PAK1: variants seen among roughly 807,000 people sequenced by gnomAD.
PAK1 encodes p21 (RAC1) activated kinase 1, also known as serine/threonine-protein kinase PAK 1.
In PAK1, 29 loss-of-function variants were observed where a neutral mutation model predicts 67.4. The observed-to-expected ratio is 0.43, with a 90% confidence interval of 0.32 to 0.59. The LOEUF is 0.59. Among genes scored for constraint, PAK1 ranks in the 20% least tolerant of loss-of-function variants. The pLI is 0.07. For missense variants in PAK1, 337 were observed against 670.7 expected (o/e 0.50, Z 5.50); for synonymous variants, 223 against 237.4 (o/e 0.94, Z 0.56).
Position 77,381,178 on chromosome 11 carries a change from G to GTGTGTGTGTGTGT in PAK1, c.191-1185_191-1184insACACACACACACA, listed in dbSNP as rs869219760. ...GTGTGTGTGTGTGTGTGTGTGTGTA[G>GTGTGTGTGTGTGT]AGAGAGAGAGAGAAAGAGAGACCAG... On this transcript the variant is annotated intron_variant, in intron 2 of 14. Transcript: ENST00000356341. Among the ~76,000 whole-genome samples the GTGTGTGTGTGTGT allele has an allele frequency of 9.8e-4, 105 of 107,604 alleles. 1 individual carries two copies. The highest frequency in any genetic ancestry group is 2.4e-3 in the African/African-American group (86 of 35,756). 70.6% of individuals were successfully genotyped at this position (107,604 alleles called of 152,430 possible).
chr11:77,420,397 G>T (rs947285770), intron 1 of PAK1, among the ~76,000 whole-genome samples: 3 of 152,164 alleles, frequency 2.0e-5, no homozygotes, highest in Non-Finnish European at 4.4e-5. Context: ...CCCTCAAAAA[G>T]AAAAGCATTT....
At chr11:77,376,227 A>G (rs753893889) in intron 4 of PAK1, among the ~76,000 whole-genome samples, 6 of 152,188 alleles carry the variant, frequency 3.9e-5, no homozygotes, top group Non-Finnish European at 8.8e-5. Context: ...TTTAAAGGTG[A>G]TGAACTTCTA....
At position 77,332,844 on chromosome 11, in the gene PAK1, A is replaced by G; in HGVS notation, c.1437T>C (p.Asn479=). The G allele has an allele frequency of 6.2e-7, 1 of 1,613,928 alleles. No homozygotes were observed. The highest frequency in any genetic ancestry group is 1.1e-5 in the South Asian group (1 of 91,072). The part of the protein sequence containing the change: ...PLRALYLIAT[N]GTPELQNPEK... ...CTGGGTTCTGAAGTTCTGGGGTCCC[A>G]TTGGTGGCAATGAGGTACAAGGCCT... The change falls in exon 14 of 15, where the codon AAT becomes AAC. Residue 479 remains asparagine (N), a synonymous_variant. Coordinates refer to ENST00000356341, the MANE Select transcript of PAK1 (RefSeq NM_002576.5).
intron 1 of PAK1, among the ~76,000 whole-genome samples, chr11:77,450,076 C>T (rs999501415): frequency 2.6e-5 from 4 of 152,190 alleles, no homozygotes; most frequent in Admixed American, 1.3e-4. Flanking sequence ...TACCCTCAGT[C>T]TAACTCAAAG....
At position 77,392,541 on chromosome 11, in the gene PAK1, A is replaced by G; in HGVS notation, c.-21T>C. ...GACATTGTCACCACCAGCAGCAGCTACTAGAATCAGAAATAAGAACAATAT... is the reference window on the plus strand; with the variant it reads ...GACATTGTCACCACCAGCAGCAGCTGCTAGAATCAGAAATAAGAACAATAT... On this transcript the variant is annotated splice_region_variant and 5_prime_UTR_variant, in exon 2 of 15. Transcript: ENST00000356341. The G allele has an allele frequency of 6.4e-7, 1 of 1,570,838 alleles. No individual in the cohort carries two copies. The highest frequency in any genetic ancestry group is 8.7e-7 in the Non-Finnish European group (1 of 1,154,262).
chr11:77,379,888 A>G lies in PAK1; in HGVS notation c.291+6T>C. 1 of 1,600,096 alleles carries G rather than the reference A, an allele frequency of 6.2e-7. No individual in the cohort carries two copies. Among genetic ancestry groups the G allele is most frequent in the Non-Finnish European group, 8.6e-7 (1 of 1,167,500 alleles). On this transcript the variant is annotated splice_donor_region_variant and intron_variant, in intron 3 of 14. Coordinates refer to ENST00000356341, the MANE Select transcript of PAK1 (RefSeq NM_002576.5). Reference sequence around the variant, plus strand: ...ACTAAAGACCTTTCTGTGACCCAGGACTTACCGTAAACTCCCCTGTGACAG... The same window carrying G: ...ACTAAAGACCTTTCTGTGACCCAGGGCTTACCGTAAACTCCCCTGTGACAG...
At position 77,332,711 on chromosome 11, in the gene PAK1, C is replaced by T; in HGVS notation, c.1551+19G>A. On this transcript the variant is annotated intron_variant, in intron 14 of 14. Transcript: ENST00000356341. The stretch of plus-strand genomic sequence containing the variant: ...AGTGATTCCCTGAATTAGGTGCTTC[C>T]CTGCATAAGGACAGTTACCTGTAGC... The T allele has an allele frequency of 6.2e-7, 1 of 1,607,812 alleles. No homozygotes were observed. Among genetic ancestry groups the T allele is most frequent in the Non-Finnish European group, 8.5e-7 (1 of 1,174,882 alleles).
chr11:77,332,908 G>A, intron 13 of PAK1, 41 bp from the exon 14 acceptor site: 1 of 1,601,388 alleles, frequency 6.2e-7, no homozygotes, highest in Non-Finnish European at 8.6e-7. Flanking sequence ...CTCCAAATGA[G>A]GCTCTCTCTT....
chr11:77,359,015 A>G lies in PAK1; in HGVS notation c.480T>C (p.Asn160=). ...AEDYNSSNAL[N]VKAVSETPAV... Reference sequence around the variant, plus strand: ...CAGGAGTCTCAGACACAGCCTTCACATTCTGTGCAAAGAAGAAAAGCAAGA... The same window carrying G: ...CAGGAGTCTCAGACACAGCCTTCACGTTCTGTGCAAAGAAGAAAAGCAAGA... Residue 160 remains asparagine (N), a splice_region_variant and synonymous_variant, in exon 6 of 15, where the codon AAT becomes AAC. Coordinates refer to ENST00000356341, the MANE Select transcript of PAK1 (RefSeq NM_002576.5). The G allele has an allele frequency of 6.2e-7, 1 of 1,612,916 alleles. No individual in the cohort carries two copies. The highest frequency in any genetic ancestry group is 8.5e-7 in the Non-Finnish European group (1 of 1,179,384).
At chr11:77,410,777 G>A (rs552903171) in intron 1 of PAK1, among the ~76,000 whole-genome samples, 30 of 152,126 alleles carry the variant, frequency 2.0e-4, no homozygotes, top group African/African-American at 7.2e-4. Context: ...GAAAAAACTA[G>A]GGGGAGGAAA....
intron 5 of PAK1, among the ~76,000 whole-genome samples, chr11:77,365,843 AAAG>A (rs1442711583): frequency 1.5e-5 from 2 of 129,298 alleles, no homozygotes; most frequent in African/African-American, 6.5e-5. Flanking sequence ...AGAAAAAGAA[AAAG>A]AAAAAAAAAA....
At chr11:77,402,974 C>T (rs1276796692) in intron 1 of PAK1, among the ~76,000 whole-genome samples, 1 of 152,172 alleles carries the variant, frequency 6.6e-6, no homozygotes, top group African/African-American at 2.4e-5. Context: ...TGGAACCCTT[C>T]CACTGTTCCC....
Position 77,322,641 on chromosome 11 carries a change from G to C in PAK1, c.*633C>G. 4.4e-6 allele frequency: 1 copy of C among 227,168 alleles called. No homozygotes were observed. The highest frequency in any genetic ancestry group is 8.9e-6 in the Non-Finnish European group (1 of 112,174). The allele number at this position is 227,168 out of a possible 1,614,324, so 14.1% of individuals were successfully genotyped here. A position where few individuals can be genotyped will look rare whatever the true frequency, so the allele number is the denominator to read the frequency against. ...AGCCGAGAGCATTTCACAAGAAACA[G>C]CATGGGAACACTATTGGGTCAAGGT... On this transcript the variant is annotated 3_prime_UTR_variant, in exon 15 of 15. Transcript: ENST00000356341.
intron 14 of PAK1, among the ~76,000 whole-genome samples, chr11:77,331,376 G>C (rs1245550558): frequency 6.6e-6 from 1 of 152,182 alleles, no homozygotes; most frequent in African/African-American, 2.4e-5. Context: ...CAAAGACTTG[G>C]AACCAACCTA....
At chr11:77,474,997 A>G (rs541775031), upstream of PAK1, 3 of 152,248 alleles carry the variant, frequency 2.0e-5, no homozygotes, top group Admixed American at 1.3e-4. Flanking sequence ...GGACCTTGAC[A>G]TTTCTAAGCC....
At chr11:77,360,761 T>C (rs1488754739) in intron 5 of PAK1, among the ~76,000 whole-genome samples, 2 of 152,180 alleles carry the variant, frequency 1.3e-5, no homozygotes, top group Non-Finnish European at 2.9e-5. Context: ...CTTAGCCCTG[T>C]GTCCTTGGGC....
intron 1 of PAK1, among the ~76,000 whole-genome samples, chr11:77,431,788 T>C (rs1254079840): frequency 3.9e-5 from 6 of 152,118 alleles, no homozygotes; most frequent in African/African-American, 1.4e-4. Flanking sequence ...AAATACCAAG[T>C]CTAACTTACC....
At chr11:77,349,789 C>A (rs1944976503) in intron 8 of PAK1, among the ~76,000 whole-genome samples, 1 of 151,480 alleles carries the variant, frequency 6.6e-6, no homozygotes, top group Non-Finnish European at 1.5e-5. Context: ...AAGATTAGAT[C>A]TATGATTTTC....
chr11:77,346,150 T>C (rs539533717), intron 9 of PAK1, among the ~76,000 whole-genome samples: 1 of 152,220 alleles, frequency 6.6e-6, no homozygotes, highest in African/African-American at 2.4e-5. Flanking sequence ...ATTTTGGTAT[T>C]TTTAGTAGAA....
Sources: gnomAD v4.1 joint callset for allele counts (sites outside exome capture counted in the v4.1 genomes callset) on GRCh38, gnomAD v4.1.1 for gene constraint, MANE v1.5 for transcripts, NCBI Gene and HGNC (gene_info 2026-07-23, HGNC 2026-07-21) for gene names.